The following ATAD5 variants were observed in gnomAD, a reference collection of about 807,000 sequenced individuals.
ATAD5 encodes ATPase family AAA domain containing 5, also known as ATPase family AAA domain-containing protein 5.
In ATAD5, 58 loss-of-function variants were observed where a neutral mutation model predicts 176.9. That is an observed-to-expected ratio of 0.33 (90% CI 0.27 to 0.41). ATAD5 has a LOEUF of 0.41. Ranked by LOEUF, ATAD5 falls within the 10% of genes least tolerant of loss-of-function variation. ATAD5 has a pLI of 1.00. For missense variants in ATAD5, 1,789 were observed against 2,094.1 expected (o/e 0.85, Z 2.84); for synonymous variants, 640 against 712.6 (o/e 0.90, Z 1.62).
chr17:30,885,623 C>CTTTTTTTTTT (rs778733612), intron 18 of ATAD5, among the ~76,000 whole-genome samples: 326 of 93,758 alleles, frequency 3.5e-3, no homozygotes, highest in Non-Finnish European at 4.1e-3. Flanking sequence ...TTCCAACTTT[C>CTTTTTTTTTT]TTTTTTTTTT....
At chr17:30,839,252 T>G (rs1445032033) in intron 3 of ATAD5, among the ~76,000 whole-genome samples, 4 of 152,092 alleles carry the variant, frequency 2.6e-5, no homozygotes, top group Non-Finnish European at 4.4e-5. Flanking sequence ...TTTTTTTCTC[T>G]CCAGATATTT....
Position 30,894,739 on chromosome 17 carries a change from AAAC to A in ATAD5, c.5456+22_5456+24del, listed in dbSNP as rs745758181. 7.1e-5 allele frequency: 113 copies of A among 1,586,866 alleles called. 1 individual carries two copies. Among genetic ancestry groups the A allele is most frequent in the South Asian group, 3.3e-4 (28 of 85,876 alleles). On this transcript the variant is annotated intron_variant, in intron 22 of 22. Transcript: ENST00000321990. ...TAAAAGAAGGTAAAGGCTTTATTAA[AAAC>A]AACATTTTAGATAGCTTTTTCAAGA...
At chr17:30,885,120 TTC>T (rs1283789636) in intron 18 of ATAD5, among the ~76,000 whole-genome samples, 1 of 152,228 alleles carries the variant, frequency 6.6e-6, no homozygotes, top group Non-Finnish European at 1.5e-5. Context: ...CGTTGCTAAA[TTC>T]TCTTATTAGT....
At chr17:30,836,656 C>T (rs1905764237) in intron 2 of ATAD5, among the ~76,000 whole-genome samples, 1 of 152,118 alleles carries the variant, frequency 6.6e-6, no homozygotes. Context: ...CAACCTCCAC[C>T]TTCTGGGTTC....
chr17:30,878,160 G>T, intron 17 of ATAD5, 64 bp downstream of exon 17: 5 of 1,060,524 alleles, frequency 4.7e-6, no homozygotes, highest in Non-Finnish European at 7.0e-6. Context: ...TCTGCAGACT[G>T]GAGTAATTAT....
Position 30,855,275 on chromosome 17 carries a change from T to G in ATAD5, c.2583T>G (p.Asn861Lys). 1.9e-6 allele frequency: 3 copies of G among 1,611,792 alleles called. No individual in the cohort carries two copies. The highest frequency in any genetic ancestry group is 2.5e-6 in the Non-Finnish European group (3 of 1,179,454). ...AKKAAALDVY[N>K]AVSTSFQRVV... ...AAGCTGCTGCGCTGGATGTGTACAA[T>G]GCAGTGAGTACCAGTTTCCAGAGAG... The change falls in exon 7 of 23, where the codon AAT (asparagine) becomes AAG (lysine). Residue 861 changes from asparagine (N) to lysine (K), a missense_variant. Around this residue, in one of 6 missense-constraint regions of ATAD5, gnomAD observed 487 missense variants for 573.6 expected, o/e 0.85. Coordinates refer to ENST00000321990, the MANE Select transcript of ATAD5 (RefSeq NM_024857.5).
intron 19 of ATAD5, among the ~76,000 whole-genome samples, chr17:30,889,886 C>CTT (rs60266614): frequency 1.4e-3 from 130 of 95,642 alleles, no homozygotes; most frequent in East Asian, 2.7e-3. Context: ...TCTTTTCTTT[C>CTT]TTTTTTTTTT....
chr17:30,845,260 T>C, intron 6 of ATAD5, among the ~76,000 whole-genome samples: 1 of 152,184 alleles, frequency 6.6e-6, no homozygotes, highest in Non-Finnish European at 1.5e-5. Flanking sequence ...ACATTCCCTG[T>C]CCTCCTGTGG....
At chr17:30,882,371 T>G (rs1375343723) in intron 18 of ATAD5, among the ~76,000 whole-genome samples, 2 of 152,088 alleles carry the variant, frequency 1.3e-5, no homozygotes, top group Non-Finnish European at 2.9e-5. Context: ...AAGACCAGCC[T>G]GGGCAACATT....
rs781204753 is a variant in ATAD5 at position 30,855,347 on chromosome 17, T to G, written c.2635+20T>G. On this transcript the variant is annotated intron_variant, in intron 7 of 22. Transcript: ENST00000321990. ...ATGATGGTAAGTTTGTTTTTTATTA[T>G]TGAATATTTACTCTTCAGCTGTTAG... The G allele has an allele frequency of 4.5e-6, 7 of 1,564,956 alleles. No homozygotes were observed. In the South Asian group the frequency reaches 8.4e-5, roughly 19 times the overall value.
rs1365705445 is a variant in ATAD5, at chr17:30,837,293, T to C, written c.2055T>C (p.Gly685=). ...AGAAATCTGAAGCAACTGATGGAGGTTTTACTTCTCAGATTAGAAAGGTAA... is the reference window on the plus strand; with the variant it reads ...AGAAATCTGAAGCAACTGATGGAGGCTTTACTTCTCAGATTAGAAAGGTAA... ...RSEKSEATDG[G]FTSQIRKASN... is the part of the protein sequence containing the mutation. The change falls in exon 3 of 23, where the codon GGT becomes GGC. Residue 685 remains glycine (G), a synonymous_variant. Transcript: ENST00000321990. 6.4e-7 allele frequency: 1 copy of C among 1,571,140 alleles called. No individual in the cohort carries two copies. Among genetic ancestry groups the C allele is most frequent in the Admixed American group, 2.0e-5 (1 of 51,252 alleles).
intron 18 of ATAD5, among the ~76,000 whole-genome samples, chr17:30,879,854 G>A (rs536725158): frequency 5.3e-5 from 8 of 151,890 alleles, no homozygotes; most frequent in Non-Finnish European, 8.8e-5. Flanking sequence ...GAGCCACTGC[G>A]CCCGGTCCAA....
chr17:30,891,905 C>T (rs957906838), intron 19 of ATAD5, among the ~76,000 whole-genome samples: 2 of 150,324 alleles, frequency 1.3e-5, no homozygotes, highest in East Asian at 4.1e-4. Flanking sequence ...AGGATGGTCT[C>T]GAACTTGCCC....
At chr17:30,860,319 T>C (rs1907550670) in intron 9 of ATAD5, 114 bp from the exon 10 acceptor site, 1 of 1,235,530 alleles carries the variant, frequency 8.1e-7, no homozygotes, top group South Asian at 1.5e-5. Context: ...CCACTGCACC[T>C]GGATTGCCTT....
In ATAD5 at chr17:30,879,411, G is replaced by A. The variant is rs1297113916; in HGVS notation, c.4013-12G>A. ...AAGAATTTTTTTTTTTTGTGTGTGT[G>A]TGTGTGTGTAGACCCAACATTTAGT... On this transcript the variant is annotated splice_polypyrimidine_tract_variant and intron_variant, in intron 17 of 22. Coordinates refer to ENST00000321990, the MANE Select transcript of ATAD5 (RefSeq NM_024857.5). 6.3e-7 allele frequency: 1 copy of A among 1,599,446 alleles called. No individual in the cohort carries two copies.
intron 10 of ATAD5, chr17:30,864,223 G>A (rs1293966115): frequency 6.6e-6 from 1 of 152,264 alleles, no homozygotes; most frequent in African/African-American, 2.4e-5. Context: ...TCAGGAGGCT[G>A]AGGTGGGAGC....
At chr17:30,862,142 C>T (rs1329849006) in intron 10 of ATAD5, among the ~76,000 whole-genome samples, 5 of 368 alleles carry the variant, frequency 0.014, no homozygotes. Flanking sequence ...TGAGACCAGC[C>T]TGCCAACATG....
intron 14 of ATAD5, 50 bp from the exon 15 acceptor site, chr17:30,876,323 CT>C: frequency 1.4e-6 from 2 of 1,480,668 alleles, no homozygotes; most frequent in South Asian, 2.7e-5. Context: ...GTCTTGCTAC[CT>C]GTATGATTTT....
At chr17:30,886,746 CAA>C (rs74541319) in intron 18 of ATAD5, among the ~76,000 whole-genome samples, 1 of 138,712 alleles carries the variant, frequency 7.2e-6, no homozygotes. Flanking sequence ...TGATCTCTAC[CAA>C]AAAAAAAAAA....
Sources: gnomAD v4.1 joint callset for allele counts (sites outside exome capture counted in the v4.1 genomes callset) on GRCh38, gnomAD v4.1.1 for gene constraint, gnomAD v4.1.1 regional missense constraint, MANE v1.5 for transcripts, NCBI Gene and HGNC (gene_info 2026-07-23, HGNC 2026-07-21) for gene names.